Variants in PIK3C2G observed in about 807,000 individuals in gnomAD.
PIK3C2G encodes phosphatidylinositol-4-phosphate 3-kinase catalytic subunit type 2 gamma, also known as phosphatidylinositol 3-kinase C2 domain-containing subunit gamma.
In PIK3C2G, 168 loss-of-function variants were observed where a neutral mutation model predicts 181.1. The ratio of observed to expected loss-of-function variants is 0.93; its 90% CI spans 0.82 to 1.05. The LOEUF is 1.05. PIK3C2G is among the 50% of genes least tolerant of loss of function. PIK3C2G has a pLI of 0.00. For missense variants in PIK3C2G, 1,869 were observed against 1,732.8 expected (o/e 1.08, Z -1.40); for synonymous variants, 573 against 592.2 (o/e 0.97, Z 0.47).
At chr12:18,587,519 A>G (rs1240889670) in intron 29 of PIK3C2G, among the ~76,000 whole-genome samples, 1 of 152,136 alleles carries the variant, frequency 6.6e-6, no homozygotes, top group African/African-American at 2.4e-5. Context: ...GATCTCTACA[A>G]TGAGAATTAC....
intron 1 of PIK3C2G, among the ~76,000 whole-genome samples, chr12:18,265,852 A>T (rs907750556): frequency 2.6e-5 from 4 of 151,764 alleles, no homozygotes; most frequent in Non-Finnish European, 2.9e-5. Flanking sequence ...CATCTCTACT[A>T]AAAATATAAA....
At chr12:18,661,900 A>T in the PIK3C2G span, among the ~76,000 whole-genome samples, 1 of 152,152 alleles carries the variant, frequency 6.6e-6, no homozygotes, top group Admixed American at 6.6e-5. Context: ...ATTTTTTTAA[A>T]TGAAGTACAC....
rs1420548414 is a variant in PIK3C2G, at chr12:18,477,808, G to A, written c.2505-10641G>A. On this transcript the variant is annotated intron_variant, in intron 18 of 32. Coordinates refer to ENST00000538779, the MANE Select transcript of PIK3C2G (RefSeq NM_001288772.2). ...CCTGCCCCAGCTGTGATTTGAAGCT[G>A]AGGTTCCAGGGAAACTAGGTATTTC... Among the ~76,000 whole-genome samples, 14 of 152,282 alleles carry A rather than the reference G, an allele frequency of 9.2e-5. No individual in the cohort carries two copies. The East Asian group carries it at 2.3e-3, about 25-fold the overall frequency.
chr12:18,649,170 C>T (rs1366401652), downstream of PIK3C2G, among the ~76,000 whole-genome samples: 2 of 152,068 alleles, frequency 1.3e-5, no homozygotes, highest in Non-Finnish European at 2.9e-5. Flanking sequence ...ACCTCAGCAA[C>T]TCCTCCCCTA....
intron 15 of PIK3C2G, among the ~76,000 whole-genome samples, chr12:18,392,119 TAAG>T (rs1943575356): frequency 2.6e-5 from 4 of 152,080 alleles, no homozygotes; most frequent in Admixed American, 2.0e-4. Flanking sequence ...TGGCTAGAAC[TAAG>T]ATGATAGCAG....
At chr12:18,492,284 C>T (rs553938755) in intron 20 of PIK3C2G, among the ~76,000 whole-genome samples, 1 of 152,216 alleles carries the variant, frequency 6.6e-6, no homozygotes, top group Admixed American at 6.5e-5. Context: ...CATGCACGGA[C>T]AATAAATGTT....
intron 31 of PIK3C2G, among the ~76,000 whole-genome samples, chr12:18,620,566 ATAGG>A (rs748819829): frequency 1.2e-3 from 177 of 149,946 alleles, no homozygotes; most frequent in African/African-American, 2.8e-3. Flanking sequence ...AGATAGATAG[ATAGG>A]TAACCATACT....
chr12:18,449,170 TC>T (rs2135875645), intron 18 of PIK3C2G, among the ~76,000 whole-genome samples: 1 of 152,308 alleles, frequency 6.6e-6, no homozygotes, highest in South Asian at 2.1e-4. Flanking sequence ...CTTGCATTTA[TC>T]TCTAGGCTCA....
chr12:18,502,164 C>T (rs1941536859), intron 22 of PIK3C2G, among the ~76,000 whole-genome samples: 2 of 152,132 alleles, frequency 1.3e-5, no homozygotes, highest in African/African-American at 4.8e-5. Flanking sequence ...TCCTTCTGAT[C>T]CACAAATGTA....
intron 29 of PIK3C2G, among the ~76,000 whole-genome samples, chr12:18,571,255 C>T (rs1246763846): frequency 6.6e-6 from 1 of 150,536 alleles, no homozygotes; most frequent in African/African-American, 2.5e-5. Context: ...AGAGAATACA[C>T]CTATAGTTTC....
intron 14 of PIK3C2G, among the ~76,000 whole-genome samples, chr12:18,385,244 G>A (rs1348363330): frequency 1.3e-5 from 2 of 152,076 alleles, no homozygotes; most frequent in Admixed American, 6.5e-5. Context: ...TTAGATGGTG[G>A]TTACTGCCAC....
chr12:18,611,997 C>A (rs888368006), intron 31 of PIK3C2G, among the ~76,000 whole-genome samples: 1 of 152,030 alleles, frequency 6.6e-6, no homozygotes. Flanking sequence ...TATCCCTTTG[C>A]GGAAGGAGTC....
Position 18,460,996 on chromosome 12 carries a change from C to T in PIK3C2G, c.2505-27453C>T, listed in dbSNP as rs1032327860. Among the ~76,000 whole-genome samples, 6 of 152,002 alleles carry T rather than the reference C, an allele frequency of 3.9e-5. No individual in the cohort carries two copies. In the East Asian group the frequency reaches 7.7e-4, roughly 20 times the overall value. ...CACGTAAAATGCTCAAAACAAATTC[C>T]GGAACCTAGTTGTGATATAGAAGTG... On this transcript the variant is annotated intron_variant, in intron 18 of 32. Coordinates refer to ENST00000538779, the MANE Select transcript of PIK3C2G (RefSeq NM_001288772.2).
intron 13 of PIK3C2G, among the ~76,000 whole-genome samples, chr12:18,381,496 T>C (rs1942830827): frequency 6.6e-6 from 1 of 152,178 alleles, no homozygotes; most frequent in Non-Finnish European, 1.5e-5. Flanking sequence ...AAATAAATGC[T>C]ACCCATTAGA....
chr12:18,427,662 A>G (rs565499015), intron 18 of PIK3C2G, among the ~76,000 whole-genome samples: 76 of 152,236 alleles, frequency 5.0e-4, no homozygotes, highest in African/African-American at 1.8e-3. Context: ...AAAGGCAACA[A>G]TGGGTGCACA....
At chr12:18,387,347 C>G (rs1339837678) in intron 14 of PIK3C2G, among the ~76,000 whole-genome samples, 1 of 152,096 alleles carries the variant, frequency 6.6e-6, no homozygotes, top group Non-Finnish European at 1.5e-5. Context: ...TCAGCACTAC[C>G]CAGAGGATTA....
chr12:18,565,946 C>T lies in PIK3C2G; in HGVS notation c.3903-1003C>T, dbSNP rs114595223. Among the ~76,000 whole-genome samples, 1,135 of 152,254 alleles carry T rather than the reference C, an allele frequency of 7.5e-3. 12 individuals are homozygous for T. The highest frequency in any genetic ancestry group is 0.026 in the African/African-American group (1,074 of 41,562). On this transcript the variant is annotated intron_variant, in intron 28 of 32. Coordinates refer to ENST00000538779, the MANE Select transcript of PIK3C2G (RefSeq NM_001288772.2). ...ATATGTAGAATATAGATCTATCTCT[C>T]TACCTACCTATCTATCTATCTTCTA...
chr12:18,717,573 C>A, the PIK3C2G span, among the ~76,000 whole-genome samples: 1,621 of 152,214 alleles, frequency 0.011, 15 homozygotes, highest in Admixed American at 0.019. Context: ...ACTATCTGAT[C>A]TAGCCATTTG....
chr12:18,711,468 G>T, the PIK3C2G span, among the ~76,000 whole-genome samples: 1 of 149,956 alleles, frequency 6.7e-6, no homozygotes, highest in African/African-American at 2.5e-5. Flanking sequence ...ACACCAACAT[G>T]GCACATGTAT....
Sources: gnomAD v4.1 joint callset for allele counts (sites outside exome capture counted in the v4.1 genomes callset) on GRCh38, gnomAD v4.1.1 for gene constraint, MANE v1.5 for transcripts, NCBI Gene and HGNC (gene_info 2026-07-23, HGNC 2026-07-21) for gene names.